Variants in TTC13 observed in about 807,000 individuals in gnomAD.
TTC13 encodes tetratricopeptide repeat protein 13.
TTC13 carries 62 observed loss-of-function variants against 120.0 expected under a neutral mutation model. The observed-to-expected ratio is 0.52, with a 90% CI of 0.42 to 0.64. The LOEUF (loss-of-function observed/expected upper bound fraction) is 0.64. Among genes scored for constraint, TTC13 ranks in the 30% least tolerant of loss-of-function variants. The pLI is 0.00. For missense variants in TTC13, 824 were observed against 1,050.2 expected (o/e 0.78, Z 2.98); for synonymous variants, 384 against 393.5 (o/e 0.98, Z 0.28).
At chr1:230,943,545 G>A (rs1019735441) in intron 6 of TTC13, among the ~76,000 whole-genome samples, 3 of 151,946 alleles carry the variant, frequency 2.0e-5, no homozygotes, top group Non-Finnish European at 2.9e-5. Flanking sequence ...TATAGAAGTA[G>A]TACACGTCAT....
At chr1:230,953,847 C>G (rs1396077788) in intron 4 of TTC13, among the ~76,000 whole-genome samples, 2 of 152,190 alleles carry the variant, frequency 1.3e-5, no homozygotes, top group Non-Finnish European at 2.9e-5. Flanking sequence ...CCCAATACTT[C>G]ACTGAGGAGT....
In TTC13 at chr1:230,978,609, G is replaced by A. The variant is rs950457511; in HGVS notation, c.222C>T (p.Cys74=). The A allele has an allele frequency of 1.6e-5, 23 of 1,445,820 alleles. No individual in the cohort carries two copies. The African/African-American group carries it at 3.1e-4, about 20-fold the overall frequency. The allele number at this position is 1,445,820 out of a possible 1,614,324, so 89.6% of individuals were successfully genotyped here. Residue 74 remains cysteine (C), a synonymous_variant, in exon 1 of 23, where the codon TGC becomes TGT. Coordinates refer to ENST00000366661, the MANE Select transcript of TTC13 (RefSeq NM_024525.5). The surrounding 1 kb of genome is among the most constrained non-coding windows in gnomAD (Gnocchi z 5.6). ...CCCCCCAGTCCCCGGACTGCGGGCTGCAGCCGCCGCCGCCCGCCGGGGCCT... is the reference window on the plus strand; with the variant it reads ...CCCCCCAGTCCCCGGACTGCGGGCTACAGCCGCCGCCGCCCGCCGGGGCCT... ...QQEAPAGGGG[C]SPQSGDWGDQ... is the part of the protein sequence containing the mutation.
intron 1 of TTC13, among the ~76,000 whole-genome samples, chr1:230,961,627 C>T (rs950772797): frequency 6.6e-6 from 1 of 152,174 alleles, no homozygotes; most frequent in African/African-American, 2.4e-5. Context: ...TAATGTTTTA[C>T]GGTTTGCAAG....
Position 230,912,764 on chromosome 1 carries a change from A to G in TTC13, c.2094-6T>C. 3 of 1,602,652 alleles carry G rather than the reference A, an allele frequency of 1.9e-6. No individual in the cohort carries two copies. Among genetic ancestry groups the G allele is most frequent in the Non-Finnish European group, 2.5e-6 (3 of 1,177,326 alleles). Reference sequence around the variant, plus strand: ...AAAATAATATATTGCCAACTCTGAAAATACAAAAATAAGTGTGAAAGGCAT... The same window carrying G: ...AAAATAATATATTGCCAACTCTGAAGATACAAAAATAAGTGTGAAAGGCAT... On this transcript the variant is annotated splice_polypyrimidine_tract_variant and splice_region_variant and intron_variant, in intron 18 of 22. Coordinates refer to ENST00000366661, the MANE Select transcript of TTC13 (RefSeq NM_024525.5).
chr1:230,912,481 A>G (rs1671601071), intron 19 of TTC13, 142 bp downstream of exon 19: 3 of 929,358 alleles, frequency 3.2e-6, no homozygotes, highest in African/African-American at 1.7e-5. Context: ...ATTTTTGCCT[A>G]TAAGAAATAA....
At chr1:230,913,778 G>A (rs1055820000) in intron 18 of TTC13, among the ~76,000 whole-genome samples, 10 of 152,198 alleles carry the variant, frequency 6.6e-5, no homozygotes, top group Non-Finnish European at 1.5e-4. Flanking sequence ...AACATGGGTC[G>A]GGATGGGAGT....
At chr1:230,945,053 C>A (rs901561326) in intron 5 of TTC13, among the ~76,000 whole-genome samples, 1 of 152,126 alleles carries the variant, frequency 6.6e-6, no homozygotes, top group Non-Finnish European at 1.5e-5. Context: ...TGTTCTTTCA[C>A]CAACCTTTAA....
chr1:230,953,215 T>C (rs1453510074), intron 4 of TTC13, among the ~76,000 whole-genome samples: 2 of 152,186 alleles, frequency 1.3e-5, no homozygotes, highest in African/African-American at 4.8e-5. Context: ...ACCACCCAAA[T>C]ATACCACTCC....
intron 18 of TTC13, among the ~76,000 whole-genome samples, chr1:230,915,873 T>C (rs1028016630): frequency 3.5e-5 from 5 of 142,284 alleles, no homozygotes; most frequent in African/African-American, 1.3e-4. Flanking sequence ...CTGCTCATCT[T>C]TTTTCATTTT....
At chr1:230,963,154 T>G (rs2102973801) in intron 1 of TTC13, among the ~76,000 whole-genome samples, 1 of 152,330 alleles carries the variant, frequency 6.6e-6, no homozygotes, top group Admixed American at 6.5e-5. Flanking sequence ...AGGAACCATC[T>G]GAGGGAGAGA....
rs556870637 is a variant in TTC13 at position 230,964,252 on chromosome 1, A to G, written c.272-2949T>C. Among the ~76,000 whole-genome samples, 3 of 152,330 alleles carry G rather than the reference A, an allele frequency of 2.0e-5. No individual in the cohort carries two copies. The South Asian group carries it at 6.2e-4, about 32-fold the overall frequency. ...GTATTTCAGTAAGTATTCTTGACCT[A>G]TATTTTTGAAAATGTACCCACTTAC... On this transcript the variant is annotated intron_variant, in intron 1 of 22. Transcript: ENST00000366661.
Position 230,970,954 on chromosome 1 carries a change from C to T in TTC13, c.271+7606G>A, listed in dbSNP as rs192304366. On this transcript the variant is annotated intron_variant, in intron 1 of 22. Coordinates refer to ENST00000366661, the MANE Select transcript of TTC13 (RefSeq NM_024525.5). Reference sequence around the variant, plus strand: ...ATAGGGTAAACCTGCGAAGAGAAGACAGAATTCTTGTGGCTGAAAGAACTA... The same window carrying T: ...ATAGGGTAAACCTGCGAAGAGAAGATAGAATTCTTGTGGCTGAAAGAACTA... 2.0e-4 allele frequency among the ~76,000 whole-genome samples: 30 copies of T among 152,302 alleles called. 1 individual carries two copies. The highest frequency in any genetic ancestry group is 6.2e-4 in the South Asian group (3 of 4,822).
In TTC13 at chr1:230,921,965, T is replaced by G. The variant is rs541187129; in HGVS notation, c.1815-461A>C. On this transcript the variant is annotated intron_variant, in intron 15 of 22. Transcript: ENST00000366661. ...CCTCACATTTCTATCCCTTCTGATC[T>G]TTTCCTTTTAAACTCACTCCCAGAA... Among the ~76,000 whole-genome samples the G allele has an allele frequency of 4.6e-5, 7 of 152,288 alleles. No individual in the cohort carries two copies. In the East Asian group the frequency reaches 1.4e-3, roughly 29 times the overall value.
chr1:230,960,621 A>G (rs1295091890), intron 2 of TTC13, among the ~76,000 whole-genome samples: 3 of 152,330 alleles, frequency 2.0e-5, no homozygotes, highest in Admixed American at 1.3e-4. Flanking sequence ...TAAACCGAAG[A>G]TGCAAAGAGT....
At chr1:230,918,609 T>C (rs1672268779) in intron 17 of TTC13, among the ~76,000 whole-genome samples, 1 of 152,162 alleles carries the variant, frequency 6.6e-6, no homozygotes, top group Non-Finnish European at 1.5e-5. Flanking sequence ...CGCAGTGGGT[T>C]TGAGAAGGTT....
At chr1:230,928,754 G>A (rs905726258) in intron 12 of TTC13, among the ~76,000 whole-genome samples, 183 bp downstream of exon 12, 6 of 152,144 alleles carry the variant, frequency 3.9e-5, no homozygotes, top group Admixed American at 2.6e-4. Flanking sequence ...GGTCTTTGCT[G>A]TGTTGCTGTA....
Position 230,958,250 on chromosome 1 carries a change from T to G in TTC13, c.416A>C (p.Asp139Ala), listed in dbSNP as rs752474391. 1 of 1,612,204 alleles carries G rather than the reference T, an allele frequency of 6.2e-7. No individual in the cohort carries two copies. Residue 139 changes from aspartate (D) to alanine (A), a missense_variant, in exon 3 of 23, where the codon GAT (aspartate) becomes GCT (alanine). By Grantham distance (126) the Asp-to-Ala change is moderately radical (BLOSUM62 -2). This residue lies in a region of TTC13 where 430 missense variants were observed against 626.8 expected (regional missense o/e 0.69). Transcript: ENST00000366661. ...AEQKRFPFAT[D>A]NDSTNEELAI... ...TAACTCTTCATTTGTGCTGTCATTA[T>G]CAGTGGCAAACGGGAATCTCTTCTG...
chr1:230,920,144 G>C (rs1443330082), intron 17 of TTC13, among the ~76,000 whole-genome samples: 1 of 152,110 alleles, frequency 6.6e-6, no homozygotes. Flanking sequence ...TAGAAAGCTG[G>C]GGTGACAGTG....
intron 1 of TTC13, among the ~76,000 whole-genome samples, chr1:230,972,188 T>C (rs1312018564): frequency 2.0e-5 from 3 of 152,258 alleles, no homozygotes; most frequent in Non-Finnish European, 4.4e-5. Context: ...TGCATGGTGC[T>C]GGACTCTAAA....
Sources: gnomAD v4.1 joint callset for allele counts (sites outside exome capture counted in the v4.1 genomes callset) on GRCh38, gnomAD v4.1.1 for gene constraint, gnomAD v4.1.1 regional missense constraint, Gnocchi (gnomAD v3.1) non-coding constraint, MANE v1.5 for transcripts, NCBI Gene and HGNC (gene_info 2026-07-23, HGNC 2026-07-21) for gene names.